Variants in LEPR observed in about 807,000 individuals in gnomAD.
The protein encoded by LEPR is leptin receptor.
In LEPR, 56 loss-of-function variants were observed where a neutral mutation model predicts 114.7. The observed-to-expected ratio is 0.49, with a 90% confidence interval of 0.39 to 0.61. LEPR has a LOEUF of 0.61. Ranked by LOEUF, LEPR falls within the 20% of genes least tolerant of loss-of-function variation. The probability of loss-of-function intolerance (pLI) is 0.00; values close to 1 mark genes in which losing one functional copy is unlikely to be tolerated. For synonymous variants in LEPR, 443 were observed against 461.4 expected (o/e 0.96, Z 0.51); for missense variants, 1,202 against 1,352.9 (o/e 0.89, Z 1.75).
At chr1:65,480,582 C>T (rs1187936070) in intron 2 of LEPR, among the ~76,000 whole-genome samples, 1 of 152,004 alleles carries the variant, frequency 6.6e-6, no homozygotes, top group Non-Finnish European at 1.5e-5. Flanking sequence ...GAAAGTATCT[C>T]ATATCAAAAT....
chr1:65,571,982 A>G (rs1248802629), intron 4 of LEPR, among the ~76,000 whole-genome samples: 1 of 149,840 alleles, frequency 6.7e-6, no homozygotes, highest in Admixed American at 6.6e-5. Flanking sequence ...AAAAAAAAAA[A>G]AAAAAAAGGA....
At chr1:65,607,680 A>C (rs1440632834) in intron 11 of LEPR, among the ~76,000 whole-genome samples, 2 of 152,212 alleles carry the variant, frequency 1.3e-5, no homozygotes, top group African/African-American at 4.8e-5. Flanking sequence ...TCAGAGACGC[A>C]CTGTTATGCT....
chr1:65,555,958 A>G (rs1652788070), intron 2 of LEPR, among the ~76,000 whole-genome samples: 1 of 152,190 alleles, frequency 6.6e-6, no homozygotes, highest in African/African-American at 2.4e-5. Flanking sequence ...CTGTCAACAG[A>G]GAATGACTAC....
intron 2 of LEPR, chr1:65,525,829 C>T: frequency 1.0e-6 from 1 of 985,666 alleles, no homozygotes; most frequent in Admixed American, 6.1e-5. Flanking sequence ...GTGGGACCTG[C>T]TTCCCTCTCC....
At position 65,438,762 on chromosome 1, in the gene LEPR, A is replaced by C. The variant is rs1046593855; in HGVS notation, c.-21+13384A>C. Among the ~76,000 whole-genome samples the C allele has an allele frequency of 4.6e-5, 7 of 152,008 alleles. No homozygotes were observed. In the South Asian group the frequency reaches 6.2e-4, roughly 14 times the overall value. ...TCATTATCTGAATTTATCCTCATGC[A>C]GGTTGGAAACTGCTGAAAGCAGTCC... On this transcript the variant is annotated intron_variant, in intron 2 of 19. Transcript: ENST00000349533.
intron 2 of LEPR, among the ~76,000 whole-genome samples, chr1:65,453,142 T>C (rs1232850388): frequency 2.0e-5 from 3 of 152,228 alleles, no homozygotes; most frequent in Non-Finnish European, 4.4e-5. Flanking sequence ...TTATCATTTT[T>C]TATTGCGTCT....
intron 19 of LEPR, among the ~76,000 whole-genome samples, chr1:65,635,598 C>T (rs922624433): frequency 1.3e-5 from 2 of 152,090 alleles, no homozygotes; most frequent in Non-Finnish European, 2.9e-5. Flanking sequence ...AGCAGATTCT[C>T]AGTATACAGC....
chr1:65,546,231 T>A (rs1651707309), intron 2 of LEPR, among the ~76,000 whole-genome samples: 1 of 152,198 alleles, frequency 6.6e-6, no homozygotes, highest in African/African-American at 2.4e-5. Flanking sequence ...TAGTTTGAAG[T>A]CAGGTAGAGT....
chr1:65,588,883 G>T (rs1414620205), intron 5 of LEPR, among the ~76,000 whole-genome samples: 1 of 152,072 alleles, frequency 6.6e-6, no homozygotes, highest in Non-Finnish European at 1.5e-5. Context: ...AAATGAAGTT[G>T]TCACAAGTGT....
At chr1:65,615,645 C>G (rs1373020352) in intron 14 of LEPR, among the ~76,000 whole-genome samples, 1 of 151,512 alleles carries the variant, frequency 6.6e-6, no homozygotes, top group African/African-American at 2.4e-5. Flanking sequence ...TGAGGAAACT[C>G]TCTACTCCTT....
At chr1:65,531,434 C>A (rs563202467) in intron 2 of LEPR, among the ~76,000 whole-genome samples, 1 of 151,628 alleles carries the variant, frequency 6.6e-6, no homozygotes, top group Non-Finnish European at 1.5e-5. Context: ...CCTTTCCTTT[C>A]CTTTCCTCTC....
intron 2 of LEPR, among the ~76,000 whole-genome samples, chr1:65,463,020 T>C (rs554052304): frequency 2.0e-4 from 31 of 152,344 alleles, no homozygotes; most frequent in Admixed American, 1.4e-3. Context: ...TTTGTCAATT[T>C]TGGCTTTTGT....
intron 2 of LEPR, among the ~76,000 whole-genome samples, chr1:65,467,533 G>C (rs1348742249): frequency 2.0e-5 from 3 of 152,128 alleles, no homozygotes; most frequent in Non-Finnish European, 4.4e-5. Flanking sequence ...CTCAGAGCTT[G>C]AACACAATGC....
At chr1:65,635,961 T>A (rs963068757) in intron 19 of LEPR, among the ~76,000 whole-genome samples, 4 of 152,190 alleles carry the variant, frequency 2.6e-5, no homozygotes, top group African/African-American at 9.6e-5. Context: ...GGTTGTAGAA[T>A]TGGAAGAACT....
intron 5 of LEPR, among the ~76,000 whole-genome samples, chr1:65,588,497 A>T (rs149792394): frequency 1.4e-3 from 207 of 152,186 alleles, no homozygotes; most frequent in African/African-American, 4.5e-3. Context: ...TAAAACCATC[A>T]GTATAATAAA....
At chr1:65,629,838 A>G (rs1487546701) in intron 19 of LEPR, among the ~76,000 whole-genome samples, 5 of 151,996 alleles carry the variant, frequency 3.3e-5, no homozygotes, top group Non-Finnish European at 7.4e-5. Flanking sequence ...CTATCCTCCT[A>G]CTTCAATCAG....
chr1:65,452,616 C>A (rs892113664), intron 2 of LEPR, among the ~76,000 whole-genome samples: 44 of 151,500 alleles, frequency 2.9e-4, no homozygotes, highest in Non-Finnish European at 5.9e-4. Context: ...GCCTTGCATC[C>A]CAGGGATGAA....
chr1:65,449,850 T>C (rs1646760131), intron 2 of LEPR, among the ~76,000 whole-genome samples: 1 of 152,156 alleles, frequency 6.6e-6, no homozygotes, highest in South Asian at 2.1e-4. Context: ...GCCTAGATGA[T>C]TGATTTTATA....
chr1:65,605,161 C>T lies in LEPR; in HGVS notation c.1527C>T (p.Tyr509=), dbSNP rs780204307. The change falls in exon 11 of 20, where the codon TAC becomes TAT. Residue 509 remains tyrosine, a synonymous_variant. Coordinates refer to ENST00000349533, the MANE Select transcript of LEPR (RefSeq NM_002303.6). Reference sequence around the variant, plus strand: ...AGCCAATCTTCCTATTATCTGGCTACACAATGTGGATTAGGATCAATCACT... The same window carrying T: ...AGCCAATCTTCCTATTATCTGGCTATACAATGTGGATTAGGATCAATCACT... ...IFQPIFLLSG[Y]TMWIRINHSL... is the part of the protein sequence containing the mutation. 5.0e-6 allele frequency: 8 copies of T among 1,614,014 alleles called. No individual in the cohort carries two copies. In the Admixed American group the frequency reaches 1.2e-4, roughly 24 times the overall value.
Sources: gnomAD v4.1 joint callset for allele counts (sites outside exome capture counted in the v4.1 genomes callset) on GRCh38, gnomAD v4.1.1 for gene constraint, MANE v1.5 for transcripts, NCBI Gene and HGNC (gene_info 2026-07-23, HGNC 2026-07-21) for gene names.